MRPL34: variants seen among roughly 807,000 people sequenced by gnomAD.
The protein encoded by MRPL34 is large ribosomal subunit protein bL34m.
Under a neutral mutation model 6.7 loss-of-function variants are expected in MRPL34, and 8 were observed. The observed-to-expected ratio is 1.20, with a 90% confidence interval of 0.70 to 2.16. MRPL34 has a LOEUF of 2.16. Among genes scored for constraint, MRPL34 ranks in the 30% most tolerant of loss-of-function variants. The pLI is 0.00. For missense variants in MRPL34, 146 were observed against 125.5 expected, an observed-to-expected ratio of 1.16 and a Z score of -0.78; for synonymous variants, 59 against 55.1, an observed-to-expected ratio of 1.07 and a Z score of -0.31.
chr19:17,304,170 A>G (rs1484075255), upstream of MRPL34, among the ~76,000 whole-genome samples: 2 of 152,206 alleles, frequency 1.3e-5, no homozygotes, highest in Non-Finnish European at 2.9e-5. Flanking sequence ...TAATCAGCCG[A>G]TTTAACCCAT....
Position 17,306,586 on chromosome 19 carries a change from CCAAAGAACAGTA to C in MRPL34, c.*217_*228del, listed in dbSNP as rs1413058081. On this transcript the variant is annotated 3_prime_UTR_variant, in exon 2 of 2. Coordinates refer to ENST00000252602, the MANE Select transcript of MRPL34 (RefSeq NM_023937.4). ...AAGCATTTCGAACCTGCGCAACAGA[CCAAAGAACAGTA>C]CAAAGAACATCCGTGTACCCAGTAC... The C allele has an allele frequency of 2.8e-5, 15 of 540,324 alleles. No homozygotes were observed. The highest frequency in any genetic ancestry group is 4.2e-5 in the Non-Finnish European group (13 of 307,398). The allele number at this position is 540,324 out of a possible 1,614,324, so 33.5% of individuals were successfully genotyped here. A position where few individuals can be genotyped will look rare whatever the true frequency, so the allele number is the denominator to read the frequency against.
chr19:17,293,203 C>G (rs1323194907), intron 1 of MRPL34, among the ~76,000 whole-genome samples: 1 of 150,440 alleles, frequency 6.6e-6, no homozygotes, highest in East Asian at 2.0e-4. Flanking sequence ...TCAAGCGATT[C>G]TCTTGCCTCA....
At chr19:17,305,848 G>A, upstream of MRPL34, 1 of 1,596,288 alleles carries the variant, frequency 6.3e-7, no homozygotes, top group Non-Finnish European at 8.6e-7. Flanking sequence ...GCGGCTCTGG[G>A]CTCCGGAATC....
intron 1 of MRPL34, chr19:17,294,265 G>A: frequency 6.3e-7 from 1 of 1,589,590 alleles, no homozygotes; most frequent in Non-Finnish European, 8.5e-7. Flanking sequence ...TGTAGCTGTG[G>A]CGCCCCAGGT....
At chr19:17,301,276 G>A (rs1002898696), upstream of MRPL34, 5 of 1,604,066 alleles carry the variant, frequency 3.1e-6, no homozygotes, top group South Asian at 4.4e-5. Flanking sequence ...CAGGGCGGCC[G>A]GCGGCTCCCC....
upstream of MRPL34, chr19:17,303,394 C>T (rs967525104): frequency 6.6e-6 from 1 of 152,232 alleles, no homozygotes; most frequent in Admixed American, 6.5e-5. Context: ...AGCGCAGGGG[C>T]ATCCCGCGGC....
At chr19:17,305,239 T>C (rs2074139929), upstream of MRPL34, among the ~76,000 whole-genome samples, 1 of 124,600 alleles carries the variant, frequency 8.0e-6, no homozygotes, top group South Asian at 2.4e-4. Flanking sequence ...AAATTTTTCT[T>C]CCTTTTTTTT....
intron 1 of MRPL34, among the ~76,000 whole-genome samples, chr19:17,293,098 C>CTTTT (rs71334701): frequency 2.7e-4 from 37 of 136,014 alleles, no homozygotes; most frequent in African/African-American, 9.5e-4. Flanking sequence ...TCTTTTCTTT[C>CTTTT]TTTTTTTTTT....
intron 1 of MRPL34, chr19:17,294,425 G>C (rs1005725052): frequency 2.5e-6 from 4 of 1,614,130 alleles, no homozygotes; most frequent in Non-Finnish European, 3.4e-6. Context: ...ATGGCCCGGA[G>C]TACGAAGGAT....
chr19:17,305,581 A>C, upstream of MRPL34: 3 of 377,192 alleles, frequency 8.0e-6, no homozygotes, highest in Non-Finnish European at 9.9e-6. Flanking sequence ...CTGCCGGTCA[A>C]TAGGAGAGAG....
chr19:17,300,649 T>C (rs1378157021), upstream of MRPL34, among the ~76,000 whole-genome samples: 1 of 152,186 alleles, frequency 6.6e-6, no homozygotes, highest in Non-Finnish European at 1.5e-5. Context: ...GGCTAATTTT[T>C]GTATTTTTGG....
chr19:17,294,525 G>C (rs1199043453), intron 1 of MRPL34: 1 of 1,613,114 alleles, frequency 6.2e-7, no homozygotes, highest in Non-Finnish European at 8.5e-7. Context: ...TGGAGGCACC[G>C]CTAGAGCCCC....
chr19:17,297,359 G>A (rs148902130), intron 1 of MRPL34, among the ~76,000 whole-genome samples: 6 of 151,848 alleles, frequency 4.0e-5, no homozygotes, highest in Non-Finnish European at 5.9e-5. Flanking sequence ...GCAATGGTGC[G>A]ATCTCGGCTC....
upstream of MRPL34, chr19:17,301,483 C>G: frequency 1.2e-6 from 2 of 1,611,658 alleles, no homozygotes; most frequent in Non-Finnish European, 1.7e-6. Flanking sequence ...ATGCTTCACC[C>G]GCAGCACGCG....
At chr19:17,295,133 C>G (rs1223586817) in intron 1 of MRPL34, among the ~76,000 whole-genome samples, 1 of 137,260 alleles carries the variant, frequency 7.3e-6, no homozygotes, top group East Asian at 2.2e-4. Context: ...GAGTCTCGCT[C>G]TGTCGCCCAG....
chr19:17,299,242 C>CT (rs796827763), upstream of MRPL34, among the ~76,000 whole-genome samples: 1 of 146,950 alleles, frequency 6.8e-6, no homozygotes, highest in African/African-American at 2.5e-5. Context: ...AGACCCCCCC[C>CT]CCATTCTCTA....
upstream of MRPL34, among the ~76,000 whole-genome samples, chr19:17,299,726 T>A (rs759823421): frequency 4.0e-5 from 6 of 151,686 alleles, no homozygotes; most frequent in Non-Finnish European, 5.9e-5. Context: ...AAAAAAATTT[T>A]AAAAATGTAA....
chr19:17,294,651 G>A (rs771790599), intron 1 of MRPL34: 14 of 1,611,388 alleles, frequency 8.7e-6, no homozygotes, highest in Middle Eastern at 1.7e-4. Flanking sequence ...CCAGGATCAC[G>A]GTCTTTGGGG....
At chr19:17,294,407 C>A in intron 1 of MRPL34, 1 of 1,614,054 alleles carries the variant, frequency 6.2e-7, no homozygotes, top group Non-Finnish European at 8.5e-7. Flanking sequence ...CAGTACTGGC[C>A]GCTCATCATG....
Sources: allele counts gnomAD v4.1 joint callset (sites outside exome capture counted in the v4.1 genomes callset), GRCh38; gene constraint gnomAD v4.1.1; transcripts MANE v1.5; gene names NCBI Gene and HGNC (gene_info 2026-07-23, HGNC 2026-07-21).